SLC9A8: variants seen among roughly 807,000 people sequenced by gnomAD.
SLC9A8 encodes the protein solute carrier family 9 member A8, also known as sodium/hydrogen exchanger 8.
Under a neutral mutation model 66.6 loss-of-function variants are expected in SLC9A8, and 48 were observed. That is an observed-to-expected ratio of 0.72 (90% CI 0.57 to 0.92). The LOEUF is 0.92. Ranked by LOEUF, SLC9A8 falls within the 40% of genes least tolerant of loss-of-function variation. SLC9A8 has a pLI of 0.00. For missense variants in SLC9A8, 599 were observed against 747.3 expected (o/e 0.80, Z 2.31); for synonymous variants, 274 against 282.6 (o/e 0.97, Z 0.31).
At chr20:49,815,346 T>A in intron 2 of SLC9A8, 157 bp downstream of exon 2, 1 of 472,114 alleles carries the variant, frequency 2.1e-6, no homozygotes, top group Non-Finnish European at 3.6e-6. Context: ...ATAACATCAT[T>A]AACAGGAAAC....
intron 3 of SLC9A8, among the ~76,000 whole-genome samples, chr20:49,833,274 C>T (rs1186516306): frequency 3.9e-5 from 6 of 151,928 alleles, no homozygotes; most frequent in Non-Finnish European, 5.9e-5. Context: ...CCCTTTTTTT[C>T]CCTTTAAACC....
At chr20:49,828,397 A>AT (rs936175139) in intron 3 of SLC9A8, among the ~76,000 whole-genome samples, 7 of 151,086 alleles carry the variant, frequency 4.6e-5, no homozygotes, top group East Asian at 3.9e-4. Context: ...TTATATATAT[A>AT]TTTTTTAGTA....
intron 6 of SLC9A8, 48 bp downstream of exon 6, chr20:49,849,728 G>A (rs759225917): frequency 1.4e-6 from 2 of 1,441,596 alleles, no homozygotes; most frequent in Non-Finnish European, 9.8e-7. Flanking sequence ...CATTCTTAGA[G>A]CTAGTGCAGG....
intron 3 of SLC9A8, chr20:49,830,979 ACT>A (rs2087156323): frequency 6.6e-6 from 5 of 759,676 alleles, no homozygotes; most frequent in Admixed American, 5.2e-5. Context: ...AATGCGGTCA[ACT>A]CTCTGACTCC....
chr20:49,880,878 A>G (rs745507170), intron 12 of SLC9A8, 46 bp from the exon 13 acceptor site: 2 of 1,287,658 alleles, frequency 1.6e-6, no homozygotes, highest in Non-Finnish European at 2.3e-6. Context: ...TTCAGCTTGA[A>G]GAGCCAGATG....
intron 2 of SLC9A8, among the ~76,000 whole-genome samples, chr20:49,815,901 A>G (rs1180934526): frequency 1.3e-5 from 2 of 152,142 alleles, no homozygotes; most frequent in Admixed American, 6.5e-5. Context: ...CCTGGCTTCA[A>G]TCAGAGCAGC....
chr20:49,887,879 C>G lies in SLC9A8; in HGVS notation c.1689C>G (p.Tyr563Ter), dbSNP rs768830649. ...TGAAAACTCTCACCAACAAGTGGTA[C>G]GAGGAGGTACGCCAGGGCCCCTCCG... Reference protein sequence around the residue: ...IQMKTLTNKWYEEVRQGPSGS... With the variant: ...IQMKTLTNKW Residue 563 changes from tyrosine to a stop codon, truncating the protein, a stop_gained, in exon 16 of 16, where the codon TAC becomes TAG. Transcript: ENST00000361573. LOFTEE classifies it high-confidence loss of function. 3.1e-6 allele frequency: 5 copies of G among 1,613,526 alleles called. No homozygotes were observed. Among genetic ancestry groups the G allele is most frequent in the Non-Finnish European group, 4.2e-6 (5 of 1,179,758 alleles).
At chr20:49,823,019 G>C in intron 2 of SLC9A8, 42 bp from the exon 3 acceptor site, 4 of 1,495,668 alleles carry the variant, frequency 2.7e-6, no homozygotes, top group Non-Finnish European at 3.7e-6. Flanking sequence ...ATTCAGAATT[G>C]AGTGTTTTTT....
intron 3 of SLC9A8, among the ~76,000 whole-genome samples, chr20:49,827,647 G>A (rs921640216): frequency 2.6e-5 from 4 of 151,272 alleles, no homozygotes; most frequent in South Asian, 2.1e-4. Context: ...ACTTGTAAGC[G>A]TATGGCCAGC....
intron 1 of SLC9A8, among the ~76,000 whole-genome samples, chr20:49,813,552 A>G (rs998100301): frequency 6.6e-6 from 1 of 152,176 alleles, no homozygotes; most frequent in African/African-American, 2.4e-5. Context: ...GTGTTCCATT[A>G]TTGGAACGCT....
At chr20:49,881,769 GTA>G (rs2089633316) in intron 13 of SLC9A8, among the ~76,000 whole-genome samples, 1 of 152,024 alleles carries the variant, frequency 6.6e-6, no homozygotes, top group East Asian at 1.9e-4. Flanking sequence ...ATATATGTAC[GTA>G]TGTGTATATA....
chr20:49,839,184 G>C lies in SLC9A8; in HGVS notation c.290-357G>C, dbSNP rs530330585. 9.2e-5 allele frequency among the ~76,000 whole-genome samples: 14 copies of C among 152,320 alleles called. No homozygotes were observed. The East Asian group carries it at 2.7e-3, about 29-fold the overall frequency. ...TTTTTGAAAATGATGGAAATAAACA[G>C]TACACGGCAAACTTAGCTTGTAAAC... is the stretch of plus-strand genomic sequence containing the variant. On this transcript the variant is annotated intron_variant, in intron 3 of 15. Transcript: ENST00000361573.
At chr20:49,847,389 T>C (rs1474906940) in intron 5 of SLC9A8, among the ~76,000 whole-genome samples, 2 of 151,150 alleles carry the variant, frequency 1.3e-5, no homozygotes, top group South Asian at 2.1e-4. Context: ...TTTCTTTTTT[T>C]TTTTTTTTTT....
At position 49,884,326 on chromosome 20, in the gene SLC9A8, ACACACACACACC is replaced by A. The variant is rs1262895159; in HGVS notation, c.1491+262_1491+273del. 1.3e-4 allele frequency among the ~76,000 whole-genome samples: 18 copies of A among 143,966 alleles called. 1 individual carries two copies. The highest frequency in any genetic ancestry group is 2.1e-4 in the Admixed American group (3 of 14,460). 94.4% of individuals were successfully genotyped at this position (143,966 alleles called of 152,430 possible). A position where few individuals can be genotyped will look rare whatever the true frequency, so the allele number is the denominator to read the frequency against. ...CACACACACACACACACACACACAC[ACACACACACACC>A]CCCCGGTCATCCCCCCTGAGAAGGA... On this transcript the variant is annotated intron_variant, in intron 14 of 15. Coordinates refer to ENST00000361573, the MANE Select transcript of SLC9A8 (RefSeq NM_015266.3).
At chr20:49,871,773 A>G (rs2089215675) in intron 10 of SLC9A8, among the ~76,000 whole-genome samples, 1 of 152,346 alleles carries the variant, frequency 6.6e-6, no homozygotes, top group South Asian at 2.1e-4. Flanking sequence ...CCCAGTGCCA[A>G]CAGTGGGTCA....
At chr20:49,815,993 C>T (rs1056934502) in intron 2 of SLC9A8, among the ~76,000 whole-genome samples, 5 of 152,192 alleles carry the variant, frequency 3.3e-5, no homozygotes, top group Non-Finnish European at 7.4e-5. Context: ...GAAACCCTTG[C>T]CCCAGCACCC....
At chr20:49,877,784 C>T (rs2089478599) in intron 11 of SLC9A8, among the ~76,000 whole-genome samples, 197 bp from the exon 12 acceptor site, 1 of 152,156 alleles carries the variant, frequency 6.6e-6, no homozygotes, top group African/African-American at 2.4e-5. Context: ...ATACCAGGGA[C>T]ATGTAGCTTA....
intron 2 of SLC9A8, among the ~76,000 whole-genome samples, chr20:49,818,507 C>T (rs1197950110): frequency 2.9e-5 from 4 of 139,594 alleles, no homozygotes; most frequent in Non-Finnish European, 6.1e-5. Flanking sequence ...TTTTTTCCCC[C>T]TGAGATGGAA....
intron 10 of SLC9A8, among the ~76,000 whole-genome samples, chr20:49,874,261 C>A (rs963446444): frequency 2.5e-4 from 38 of 151,672 alleles, no homozygotes; most frequent in Non-Finnish European, 4.6e-4. Flanking sequence ...TCTGTCCCCC[C>A]CCCAAAAAAA....
Sources: allele counts gnomAD v4.1 joint callset (sites outside exome capture counted in the v4.1 genomes callset), GRCh38; gene constraint gnomAD v4.1.1; transcripts MANE v1.5; gene names NCBI Gene and HGNC (gene_info 2026-07-23, HGNC 2026-07-21).